DLGAP1: variants seen among roughly 807,000 people sequenced by gnomAD.
DLGAP1 encodes disks large-associated protein 1.
DLGAP1 carries 11 observed loss-of-function variants against 90.8 expected under a neutral mutation model. The observed-to-expected ratio is 0.12, with a 90% CI of 0.08 to 0.20. The LOEUF is 0.20. Among genes scored for constraint, DLGAP1 ranks in the 10% least tolerant of loss-of-function variants. DLGAP1 has a pLI of 1.00. For synonymous variants in DLGAP1, 558 were observed against 540.7 expected, an observed-to-expected ratio of 1.03 and a Z score of -0.44; for missense variants, 1,050 against 1,333.8, an observed-to-expected ratio of 0.79 and a Z score of 3.31.
chr18:3,520,309 T>C (rs1443165927), intron 10 of DLGAP1, among the ~76,000 whole-genome samples: 6 of 152,190 alleles, frequency 3.9e-5, no homozygotes, highest in Non-Finnish European at 7.3e-5. Flanking sequence ...TTACCTGAGA[T>C]GTCTGGCAGC....
chr18:3,548,594 C>A (rs1396384932), intron 9 of DLGAP1, among the ~76,000 whole-genome samples: 1 of 152,106 alleles, frequency 6.6e-6, no homozygotes, highest in Non-Finnish European at 1.5e-5. Context: ...TGGTGAAACC[C>A]CGTTTCTACA....
In DLGAP1 at chr18:3,802,263, A is replaced by G. The variant is rs148436869; in HGVS notation, c.1172+11796T>C. Among the ~76,000 whole-genome samples the G allele has an allele frequency of 4.1e-3, 613 of 149,312 alleles. 6 individuals are homozygous for G. The East Asian group carries it at 0.051, about 12-fold the overall frequency. ...CTCCCAAAGTGTTGGGATTACAGGCATGAGCCACCGACCCCGCCACGCAGG... is the reference window on the plus strand; with the variant it reads ...CTCCCAAAGTGTTGGGATTACAGGCGTGAGCCACCGACCCCGCCACGCAGG... On this transcript the variant is annotated intron_variant, in intron 5 of 12. Transcript: ENST00000315677.
At chr18:3,686,669 G>C (rs1284557499) in intron 7 of DLGAP1, among the ~76,000 whole-genome samples, 2 of 152,110 alleles carry the variant, frequency 1.3e-5, no homozygotes, top group African/African-American at 4.8e-5. Flanking sequence ...CATTGGTCAG[G>C]TTCTCAGTTG....
chr18:3,831,360 C>A (rs544502299), intron 4 of DLGAP1, among the ~76,000 whole-genome samples: 26 of 151,956 alleles, frequency 1.7e-4, no homozygotes, highest in African/African-American at 6.3e-4. Context: ...ACTTTAAGTT[C>A]TGTGATGCAT....
chr18:3,824,619 T>C (rs759848989), intron 4 of DLGAP1, among the ~76,000 whole-genome samples: 14 of 152,212 alleles, frequency 9.2e-5, no homozygotes, highest in South Asian at 2.1e-4. Context: ...AATATTAAGT[T>C]TCTTAAATGA....
intron 7 of DLGAP1, among the ~76,000 whole-genome samples, chr18:3,613,758 C>G (rs1380516134): frequency 6.6e-6 from 1 of 152,192 alleles, no homozygotes; most frequent in African/African-American, 2.4e-5. Flanking sequence ...AAAGGCAATA[C>G]AGTTTTATGC....
At chr18:4,054,968 T>C (rs2075191638) in intron 2 of DLGAP1, among the ~76,000 whole-genome samples, 1 of 152,234 alleles carries the variant, frequency 6.6e-6, no homozygotes, top group Non-Finnish European at 1.5e-5. Flanking sequence ...ATCATCTTTA[T>C]TAAGTATTTA....
intron 8 of DLGAP1, among the ~76,000 whole-genome samples, chr18:3,575,270 GAAAT>G (rs1377436328): frequency 1.3e-5 from 2 of 152,026 alleles, no homozygotes; most frequent in East Asian, 1.9e-4. Context: ...GGTATTAAAG[GAAAT>G]AAATAAGTCT....
intron 7 of DLGAP1, among the ~76,000 whole-genome samples, chr18:3,725,904 G>A (rs1462907274): frequency 6.6e-6 from 1 of 152,126 alleles, no homozygotes; most frequent in Non-Finnish European, 1.5e-5. Flanking sequence ...TGTGGCATCA[G>A]ACTCTTGTCT....
In DLGAP1 at chr18:4,000,624, T is replaced by C. The variant is rs774915065; in HGVS notation, c.-73+4492A>G. Among the ~76,000 whole-genome samples, 5 of 152,174 alleles carry C rather than the reference T, an allele frequency of 3.3e-5. No individual in the cohort carries two copies. In the South Asian group the frequency reaches 6.2e-4, roughly 19 times the overall value. On this transcript the variant is annotated intron_variant, in intron 3 of 12. Coordinates refer to ENST00000315677, the MANE Select transcript of DLGAP1 (RefSeq NM_004746.4). Reference sequence around the variant, plus strand: ...GCTCATAGGAACATTACTCCCTGAGTTGTTGTGTGTTTATTAAGAATTGTG... The same window carrying C: ...GCTCATAGGAACATTACTCCCTGAGCTGTTGTGTGTTTATTAAGAATTGTG...
At chr18:4,063,710 C>A (rs1274987759) in intron 2 of DLGAP1, among the ~76,000 whole-genome samples, 1 of 152,070 alleles carries the variant, frequency 6.6e-6, no homozygotes, top group African/African-American at 2.4e-5. Flanking sequence ...AACAAGGCCA[C>A]CTTGCTACCC....
chr18:4,434,901 A>C (rs1469225399), intron 1 of DLGAP1, among the ~76,000 whole-genome samples: 1 of 152,202 alleles, frequency 6.6e-6, no homozygotes, highest in East Asian at 1.9e-4. Context: ...TTATTTAGGA[A>C]ATGACAAACA....
chr18:3,923,910 G>A (rs1861202075), intron 3 of DLGAP1, among the ~76,000 whole-genome samples: 1 of 152,208 alleles, frequency 6.6e-6, no homozygotes, highest in Admixed American at 6.5e-5. Context: ...TCTTAAAGGA[G>A]ATGGTGCTGG....
At chr18:3,859,576 A>G (rs1429381894) in intron 4 of DLGAP1, among the ~76,000 whole-genome samples, 14 of 152,206 alleles carry the variant, frequency 9.2e-5, no homozygotes. Context: ...GGAAAGTCAG[A>G]GCGAGAGTTG....
chr18:4,429,480 T>C (rs192547840), intron 1 of DLGAP1, among the ~76,000 whole-genome samples: 1 of 152,338 alleles, frequency 6.6e-6, no homozygotes. Context: ...ATGCATTTCT[T>C]ACAGAAAAAA....
intron 3 of DLGAP1, among the ~76,000 whole-genome samples, chr18:3,976,577 T>C (rs192913976): frequency 2.6e-4 from 39 of 152,342 alleles, no homozygotes; most frequent in African/African-American, 9.4e-4. Context: ...GTCTTTGTAA[T>C]TTTTAAATCT....
chr18:4,104,450 A>T (rs1329870409), intron 2 of DLGAP1, among the ~76,000 whole-genome samples: 3 of 152,284 alleles, frequency 2.0e-5, no homozygotes, highest in Admixed American at 1.3e-4. Context: ...CACTGCTAAC[A>T]TCACTTATTT....
intron 7 of DLGAP1, among the ~76,000 whole-genome samples, chr18:3,600,839 T>TAG (rs2056914778): frequency 2.1e-5 from 2 of 96,162 alleles, no homozygotes; most frequent in Non-Finnish European, 3.7e-5. Flanking sequence ...TATATATAGA[T>TAG]ATATATAGAT....
chr18:3,670,451 C>T (rs1159184802), intron 7 of DLGAP1, among the ~76,000 whole-genome samples: 1 of 152,180 alleles, frequency 6.6e-6, no homozygotes. Context: ...CTGATAACTT[C>T]CTGGACAGCT....
Sources: gnomAD v4.1 joint callset for allele counts (sites outside exome capture counted in the v4.1 genomes callset) on GRCh38, gnomAD v4.1.1 for gene constraint, MANE v1.5 for transcripts, NCBI Gene and HGNC (gene_info 2026-07-23, HGNC 2026-07-21) for gene names.